DOCK5: variants seen among roughly 807,000 people sequenced by gnomAD.
DOCK5 encodes the protein dedicator of cytokinesis 5, also known as dedicator of cytokinesis protein 5.
DOCK5 carries 142 observed loss-of-function variants against 251.8 expected under a neutral mutation model. The ratio of observed to expected loss-of-function variants is 0.56; its 90% confidence interval spans 0.49 to 0.65. The LOEUF (loss-of-function observed/expected upper bound fraction) is 0.65. Among genes scored for constraint, DOCK5 ranks in the 30% least tolerant of loss-of-function variants. The pLI, the probability that DOCK5 is intolerant of heterozygous loss-of-function variation, is 0.00. For synonymous variants in DOCK5, 842 were observed against 835.5 expected, an observed-to-expected ratio of 1.01 and a Z score of -0.13; for missense variants, 2,111 against 2,312.3, an observed-to-expected ratio of 0.91 and a Z score of 1.79.
At chr8:25,315,062 A>G (rs1805204996) in intron 13 of DOCK5, among the ~76,000 whole-genome samples, 1 of 143,792 alleles carries the variant, frequency 7.0e-6, no homozygotes, top group African/African-American at 2.5e-5. Flanking sequence ...TTCTGTAAGC[A>G]CACCTGATCT....
chr8:25,314,710 G>A (rs1017893496), intron 13 of DOCK5, among the ~76,000 whole-genome samples: 4 of 57,592 alleles, frequency 6.9e-5, no homozygotes, highest in African/African-American at 2.9e-4. Flanking sequence ...ATCCATCCAC[G>A]TACCCAACCT....
At chr8:25,346,912 C>A (rs1224344077) in intron 26 of DOCK5, among the ~76,000 whole-genome samples, 2 of 152,206 alleles carry the variant, frequency 1.3e-5, no homozygotes, top group African/African-American at 4.8e-5. Context: ...TAGCAGAGCC[C>A]CCACACAGGA....
chr8:25,301,248 A>T (rs1040790953), intron 9 of DOCK5, among the ~76,000 whole-genome samples: 2 of 152,116 alleles, frequency 1.3e-5, no homozygotes, highest in Non-Finnish European at 1.5e-5. Flanking sequence ...ATCACAGACA[A>T]GGGGGGGCTA....
intron 1 of DOCK5, among the ~76,000 whole-genome samples, chr8:25,234,560 G>A (rs1220618467): frequency 6.6e-6 from 1 of 152,132 alleles, no homozygotes; most frequent in Non-Finnish European, 1.5e-5. Flanking sequence ...GAAAAATGGA[G>A]GCTAATAGAA....
chr8:25,219,463 C>T (rs908837144), intron 1 of DOCK5, among the ~76,000 whole-genome samples: 4 of 152,144 alleles, frequency 2.6e-5, no homozygotes, highest in Non-Finnish European at 5.9e-5. Context: ...TGGGACCTTC[C>T]TTTTCCTCTC....
intron 2 of DOCK5, among the ~76,000 whole-genome samples, chr8:25,267,885 C>T (rs566004015): frequency 6.7e-6 from 1 of 149,152 alleles, no homozygotes; most frequent in Admixed American, 6.7e-5. Flanking sequence ...TTTTTGGAAA[C>T]GGAGTCTCGC....
chr8:25,200,153 A>G (rs1024579591), intron 1 of DOCK5, among the ~76,000 whole-genome samples: 2 of 152,208 alleles, frequency 1.3e-5, no homozygotes, highest in African/African-American at 4.8e-5. Context: ...ATCTTATCAT[A>G]ATACTTTGGA....
At chr8:25,330,539 C>T (rs1305865377) in intron 18 of DOCK5, among the ~76,000 whole-genome samples, 1 of 152,060 alleles carries the variant, frequency 6.6e-6, no homozygotes, top group African/African-American at 2.4e-5. Flanking sequence ...ATTTCTCTGA[C>T]TGCTAAAGGG....
chr8:25,284,295 A>T (rs945244744), intron 5 of DOCK5, among the ~76,000 whole-genome samples: 7 of 152,236 alleles, frequency 4.6e-5, no homozygotes, highest in Non-Finnish European at 1.0e-4. Flanking sequence ...TGGTCAATAC[A>T]TGACAGCCCC....
At chr8:25,357,741 A>G (rs1047570900) in intron 27 of DOCK5, among the ~76,000 whole-genome samples, 3 of 152,134 alleles carry the variant, frequency 2.0e-5, no homozygotes, top group African/African-American at 7.2e-5. Flanking sequence ...AGAGATAGAC[A>G]TGGACAGTCT....
intron 16 of DOCK5, among the ~76,000 whole-genome samples, chr8:25,322,534 A>G (rs913695096): frequency 6.6e-6 from 1 of 152,364 alleles, no homozygotes; most frequent in Non-Finnish European, 1.5e-5. Flanking sequence ...ATGGCCAAAT[A>G]TCAGCCATTT....
chr8:25,395,979 C>G (rs1257416531), intron 45 of DOCK5: 1 of 542,390 alleles, frequency 1.8e-6, no homozygotes, highest in East Asian at 4.0e-5. Flanking sequence ...ACCTGTTATT[C>G]TGTCTCCCCT....
At chr8:25,369,730 G>A (rs747586208) in intron 34 of DOCK5, 89 bp downstream of exon 34, 4 of 1,172,208 alleles carry the variant, frequency 3.4e-6, no homozygotes, top group Non-Finnish European at 4.9e-6. Flanking sequence ...TAGAGCAATT[G>A]AGTAGTCTCA....
intron 7 of DOCK5, among the ~76,000 whole-genome samples, chr8:25,298,561 C>G (rs569971711): frequency 2.4e-4 from 37 of 152,248 alleles, no homozygotes; most frequent in African/African-American, 8.9e-4. Flanking sequence ...TGCACTTCCT[C>G]TCGGGTGTTA....
At chr8:25,323,178 C>T (rs1805471668) in intron 16 of DOCK5, among the ~76,000 whole-genome samples, 1 of 152,168 alleles carries the variant, frequency 6.6e-6, no homozygotes, top group African/African-American at 2.4e-5. Context: ...CCTCATGAAG[C>T]TGCACCCTCC....
At chr8:25,397,036 T>C (rs1801358333) in intron 45 of DOCK5, among the ~76,000 whole-genome samples, 1 of 152,084 alleles carries the variant, frequency 6.6e-6, no homozygotes, top group Non-Finnish European at 1.5e-5. Context: ...CCTGGCGAAC[T>C]TGGCGAAACC....
intron 1 of DOCK5, among the ~76,000 whole-genome samples, chr8:25,221,719 G>C (rs1003941652): frequency 1.3e-5 from 2 of 152,190 alleles, no homozygotes; most frequent in Non-Finnish European, 2.9e-5. Context: ...GGACCATGCT[G>C]AGCAGTTTTC....
Position 25,389,112 on chromosome 8 carries a change from G to A in DOCK5, c.4153G>A (p.Gly1385Arg), listed in dbSNP as rs1229336753. 1 of 1,613,742 alleles carries A rather than the reference G, an allele frequency of 6.2e-7. No homozygotes were observed. Among genetic ancestry groups the A allele is most frequent in the African/African-American group, 1.3e-5 (1 of 74,870 alleles). ...GCAGAATAAAATCTTCATCTATCGG[G>A]GAAAGGAGTATGAGAGGCGAGAGGA... ...FLRNKIFIYRGKEYERREDFS... is the reference protein window; with the variant it reads ...FLRNKIFIYRRKEYERREDFS... The change falls in exon 41 of 52, where the codon GGA becomes AGA. Residue 1385 changes from glycine to arginine, a missense_variant. This residue lies in a region of DOCK5 where 1,717 missense variants were observed against 1,892.4 expected (regional missense o/e 0.91). Coordinates refer to ENST00000276440, the MANE Select transcript of DOCK5 (RefSeq NM_024940.8).
At chr8:25,241,206 G>A (rs778753173) in intron 1 of DOCK5, among the ~76,000 whole-genome samples, 4 of 152,204 alleles carry the variant, frequency 2.6e-5, no homozygotes, top group Non-Finnish European at 5.9e-5. Flanking sequence ...GCTGGGCACG[G>A]TGGCTCACGC....
Sources: gnomAD v4.1 joint callset for allele counts (sites outside exome capture counted in the v4.1 genomes callset) on GRCh38, gnomAD v4.1.1 for gene constraint, gnomAD v4.1.1 regional missense constraint, MANE v1.5 for transcripts, NCBI Gene and HGNC (gene_info 2026-07-23, HGNC 2026-07-21) for gene names.